The following BBS5 variants were observed in gnomAD, a reference collection of about 807,000 sequenced individuals.
BBS5 encodes BBSome complex member BBS5.
A neutral mutation model predicts 50.2 loss-of-function variants in BBS5; 39 were observed. The observed-to-expected ratio is 0.78, with a 90% CI of 0.60 to 1.01. The LOEUF is 1.01. BBS5 is among the 50% of genes least tolerant of loss of function. The pLI is 0.00. For missense variants in BBS5, 356 were observed against 401.5 expected, an observed-to-expected ratio of 0.89 and a Z score of 0.97; for synonymous variants, 134 against 133.1, an observed-to-expected ratio of 1.01 and a Z score of -0.05.
chr2:169,483,537 A>G (rs765562576), intron 2 of BBS5, among the ~76,000 whole-genome samples: 2 of 152,212 alleles, frequency 1.3e-5, no homozygotes, highest in East Asian at 3.8e-4. Context: ...AGTGGTAGCT[A>G]TAAAATTCAG....
intron 5 of BBS5, among the ~76,000 whole-genome samples, chr2:169,490,410 G>T (rs115163010): frequency 6.6e-6 from 1 of 151,852 alleles, no homozygotes; most frequent in African/African-American, 2.4e-5. Flanking sequence ...TAGAGACGGG[G>T]TTTCACTGTG....
intron 1 of BBS5, 52 bp from the exon 2 acceptor site, chr2:169,482,199 G>A (rs868647734): frequency 1.8e-6 from 2 of 1,103,378 alleles, no homozygotes; most frequent in African/African-American, 3.1e-5. Flanking sequence ...TAAATAGATT[G>A]CAAGCAGGTA....
chr2:169,492,273 C>T (rs1324329297), intron 5 of BBS5, among the ~76,000 whole-genome samples: 1 of 151,640 alleles, frequency 6.6e-6, no homozygotes, highest in East Asian at 2.0e-4. Context: ...GGGCAGATCA[C>T]GAGGTCAAGA....
rs541516223 is a variant in BBS5 at position 169,504,778 on chromosome 2, C to T, written c.*196C>T. The stretch of plus-strand genomic sequence containing the variant: ...GCCAGCGCGTCGAGGGAGGGGCCAG[C>T]GACACATGGCCTAGTAACCGTCCGG... On this transcript the variant is annotated 3_prime_UTR_variant, in exon 12 of 12. Transcript: ENST00000295240. 3.1e-5 allele frequency: 45 copies of T among 1,446,860 alleles called. No individual in the cohort carries two copies. Among genetic ancestry groups the T allele is most frequent in the Non-Finnish European group, 3.6e-5 (38 of 1,061,572 alleles). 89.6% of individuals were successfully genotyped at this position (1,446,860 alleles called of 1,614,324 possible).
chr2:169,499,337 A>T lies in BBS5; in HGVS notation c.682-149A>T, dbSNP rs1044900318. The T allele has an allele frequency of 8.3e-6, 7 of 844,458 alleles. No individual in the cohort carries two copies. The African/African-American group carries it at 1.2e-4, about 15-fold the overall frequency. The allele number at this position is 844,458 out of a possible 1,614,324, so 52.3% of individuals were successfully genotyped here. A position where few individuals can be genotyped will look rare whatever the true frequency, so the allele number is the denominator to read the frequency against. ...GCTCTTCTGTTTTTGTATGTGCTTG[A>T]AATTTTTCATAATAAAAAGTTTAAT... On this transcript the variant is annotated intron_variant, in intron 8 of 11. Transcript: ENST00000295240.
intron 3 of BBS5, 40 bp from the exon 4 acceptor site, chr2:169,487,766 C>CCATAGG: frequency 6.8e-7 from 1 of 1,466,714 alleles, no homozygotes; most frequent in Non-Finnish European, 9.5e-7. Context: ...TCTCAGTGTA[C>CCATAGG]CATATCATGC....
intron 9 of BBS5, 123 bp downstream of exon 9, chr2:169,499,743 T>G (rs148567850): frequency 9.8e-7 from 1 of 1,017,640 alleles, no homozygotes; most frequent in African/African-American, 1.6e-5. Flanking sequence ...ATATACAGAT[T>G]CTGCTCAAGT....
At chr2:169,503,003 G>C in intron 9 of BBS5, 92 bp from the exon 10 acceptor site, 1 of 909,672 alleles carries the variant, frequency 1.1e-6, no homozygotes, top group Non-Finnish European at 1.8e-6. Context: ...TAAGACTTTA[G>C]TAGTTTGTAA....
chr2:169,486,120 T>G (rs564222760), intron 2 of BBS5, among the ~76,000 whole-genome samples: 1 of 152,364 alleles, frequency 6.6e-6, no homozygotes, highest in African/African-American at 2.4e-5. Flanking sequence ...TTGAGAATGC[T>G]TTCATCTTTT....
At chr2:169,497,983 C>A (rs1312200534) in intron 8 of BBS5, among the ~76,000 whole-genome samples, 1 of 152,080 alleles carries the variant, frequency 6.6e-6, no homozygotes, top group Non-Finnish European at 1.5e-5. Context: ...TTACACAATC[C>A]TACGATACAG....
intron 8 of BBS5, 119 bp from the exon 9 acceptor site, chr2:169,499,367 A>C: frequency 9.0e-7 from 1 of 1,112,298 alleles, no homozygotes; most frequent in African/African-American, 1.6e-5. Context: ...TTTAATTGAA[A>C]AAATGAACTT....
intron 2 of BBS5, among the ~76,000 whole-genome samples, chr2:169,485,333 A>G (rs1029017087): frequency 1.5e-5 from 2 of 137,754 alleles, no homozygotes; most frequent in African/African-American, 5.0e-5. Flanking sequence ...TCATTTAACA[A>G]TAATAAAAAC....
rs962082735 is a variant in BBS5 at position 169,505,217 on chromosome 2, G to C, written c.*635G>C. ...AGTGATCCGCCAGCCTCGGCCTCCCGAGGTGCCGGGATTGCAGACGGAGTC... is the reference window on the plus strand; with the variant it reads ...AGTGATCCGCCAGCCTCGGCCTCCCCAGGTGCCGGGATTGCAGACGGAGTC... On this transcript the variant is annotated 3_prime_UTR_variant, in exon 12 of 12. Transcript: ENST00000295240. The C allele has an allele frequency of 2.0e-6, 1 of 502,916 alleles. No homozygotes were observed. Among genetic ancestry groups the C allele is most frequent in the East Asian group, 3.9e-5 (1 of 25,758 alleles). 31.2% of individuals were successfully genotyped at this position (502,916 alleles called of 1,614,324 possible). A position where few individuals can be genotyped will look rare whatever the true frequency, so the allele number is the denominator to read the frequency against.
intron 5 of BBS5, among the ~76,000 whole-genome samples, chr2:169,491,455 T>C (rs1683599744): frequency 6.6e-6 from 1 of 152,220 alleles, no homozygotes; most frequent in Non-Finnish European, 1.5e-5. Context: ...AAATTAGAAG[T>C]TCAACAATGA....
chr2:169,479,816 G>T (rs1297636309), intron 1 of BBS5, among the ~76,000 whole-genome samples: 2 of 152,224 alleles, frequency 1.3e-5, no homozygotes, highest in African/African-American at 4.8e-5. Context: ...CGGCAAGAGC[G>T]CATCGGCATT....
intron 5 of BBS5, among the ~76,000 whole-genome samples, chr2:169,492,609 T>C (rs1202612339): frequency 6.6e-6 from 1 of 152,144 alleles, no homozygotes; most frequent in African/African-American, 2.4e-5. Flanking sequence ...CTGGGTACAG[T>C]GGCACATGCC....
At chr2:169,483,592 G>A (rs1683437662) in intron 2 of BBS5, among the ~76,000 whole-genome samples, 1 of 152,122 alleles carries the variant, frequency 6.6e-6, no homozygotes, top group South Asian at 2.1e-4. Context: ...ACCTGGCGAT[G>A]TCTTTATTGA....
intron 2 of BBS5, among the ~76,000 whole-genome samples, chr2:169,483,888 A>T (rs1683444270): frequency 6.6e-6 from 1 of 152,216 alleles, no homozygotes; most frequent in Non-Finnish European, 1.5e-5. Context: ...CCCAACTATC[A>T]AGATGGCTGT....
intron 5 of BBS5, among the ~76,000 whole-genome samples, chr2:169,492,263 G>A (rs986436335): frequency 1.2e-4 from 18 of 151,572 alleles, no homozygotes; most frequent in Admixed American, 4.6e-4. Context: ...AGGCCGAGGC[G>A]GGCAGATCAC....
Sources: allele counts gnomAD v4.1 joint callset (sites outside exome capture counted in the v4.1 genomes callset), GRCh38; gene constraint gnomAD v4.1.1; transcripts MANE v1.5; gene names NCBI Gene and HGNC (gene_info 2026-07-23, HGNC 2026-07-21).